The following UBE2E2 variants were observed in gnomAD, a reference collection of about 807,000 sequenced individuals.
UBE2E2 encodes ubiquitin conjugating enzyme E2 E2.
UBE2E2 carries 6 observed loss-of-function variants against 24.7 expected under a neutral mutation model. That is an observed-to-expected ratio of 0.24 (90% CI 0.13 to 0.48). UBE2E2 has a LOEUF of 0.48. Among genes scored for constraint, UBE2E2 ranks in the 20% least tolerant of loss-of-function variants. UBE2E2 has a pLI of 0.99. For missense variants in UBE2E2, 169 were observed against 245.0 expected (o/e 0.69, Z 2.07); for synonymous variants, 104 against 83.6 (o/e 1.24, Z -1.33).
At chr3:23,392,264 A>G (rs1235892890) in intron 3 of UBE2E2, among the ~76,000 whole-genome samples, 1 of 152,188 alleles carries the variant, frequency 6.6e-6, no homozygotes, top group Non-Finnish European at 1.5e-5. Context: ...CAATTTGTTT[A>G]CTCATTCACT....
intron 4 of UBE2E2, among the ~76,000 whole-genome samples, chr3:23,510,496 A>G (rs1301742596): frequency 6.6e-6 from 1 of 152,060 alleles, no homozygotes; most frequent in Non-Finnish European, 1.5e-5. Context: ...AATCCCAGCT[A>G]CTTGGAAGGC....
intron 3 of UBE2E2, among the ~76,000 whole-genome samples, chr3:23,239,417 T>A (rs952124045): frequency 5.3e-5 from 8 of 152,066 alleles, no homozygotes; most frequent in African/African-American, 2.4e-5. Flanking sequence ...GAACCCCACA[T>A]CCATTAGCAT....
At chr3:23,343,465 A>G (rs1338271487) in intron 3 of UBE2E2, among the ~76,000 whole-genome samples, 3 of 152,030 alleles carry the variant, frequency 2.0e-5, no homozygotes, top group East Asian at 1.9e-4. Flanking sequence ...AGTCCCATCT[A>G]CTCAGGAGGC....
intron 3 of UBE2E2, among the ~76,000 whole-genome samples, chr3:23,250,552 G>A (rs1697547956): frequency 6.6e-6 from 1 of 152,092 alleles, no homozygotes; most frequent in Non-Finnish European, 1.5e-5. Context: ...TTTGTTAGAT[G>A]CATTTGTATG....
At chr3:23,248,044 A>T (rs577704943) in intron 3 of UBE2E2, among the ~76,000 whole-genome samples, 10 of 152,242 alleles carry the variant, frequency 6.6e-5, no homozygotes, top group Non-Finnish European at 1.2e-4. Context: ...TTTGTCTCCA[A>T]TTCCCAATTC....
intron 3 of UBE2E2, among the ~76,000 whole-genome samples, chr3:23,330,659 A>G (rs910743179): frequency 2.6e-5 from 4 of 152,208 alleles, no homozygotes; most frequent in African/African-American, 7.2e-5. Flanking sequence ...CAGCAGCTTT[A>G]TGCATCAAGA....
intron 3 of UBE2E2, among the ~76,000 whole-genome samples, chr3:23,445,442 A>G (rs1044894522): frequency 7.2e-5 from 11 of 152,204 alleles, no homozygotes; most frequent in African/African-American, 2.4e-4. Context: ...CCAATGAATC[A>G]GAGTATATCT....
intron 3 of UBE2E2, among the ~76,000 whole-genome samples, chr3:23,271,362 G>A (rs1698236845): frequency 6.6e-6 from 1 of 152,220 alleles, no homozygotes; most frequent in Non-Finnish European, 1.5e-5. Flanking sequence ...TTCACGGTGA[G>A]TGTTGCAGCT....
In UBE2E2 at chr3:23,407,808, AAT is replaced by A. The variant is rs1443290945; in HGVS notation, c.228-91798_228-91797del. 6.6e-6 allele frequency among the ~76,000 whole-genome samples: 1 copy of A among 152,110 alleles called. No individual in the cohort carries two copies. Among genetic ancestry groups the A allele is most frequent in the African/African-American group, 2.4e-5 (1 of 41,410 alleles). On this transcript the variant is annotated intron_variant, in intron 3 of 5. Coordinates refer to ENST00000396703, the MANE Select transcript of UBE2E2 (RefSeq NM_152653.4). This position sits in a 1 kb window ranked among gnomAD's most constrained non-coding sequence, Gnocchi z 4.0. ...TCTGCCTCTGCTTACCCTTCTGGGA[AAT>A]AGTTACCAATAATATAGGAAATATA...
At chr3:23,386,522 T>G (rs1345627855) in intron 3 of UBE2E2, among the ~76,000 whole-genome samples, 1 of 152,172 alleles carries the variant, frequency 6.6e-6, no homozygotes, top group Non-Finnish European at 1.5e-5. Context: ...AGGCGTGAGT[T>G]TATTCTGTAG....
chr3:23,449,939 C>A, intron 3 of UBE2E2: 1 of 985,344 alleles, frequency 1.0e-6, no homozygotes, highest in Non-Finnish European at 1.2e-6. Flanking sequence ...AGGAAATGTA[C>A]CCCTGAAGAG....
At chr3:23,492,803 T>C (rs1699526462) in intron 3 of UBE2E2, among the ~76,000 whole-genome samples, 1 of 152,130 alleles carries the variant, frequency 6.6e-6, no homozygotes, top group Admixed American at 6.5e-5. Context: ...CCCAACTTCT[T>C]TGATTCATGA....
intron 3 of UBE2E2, among the ~76,000 whole-genome samples, chr3:23,430,770 C>G (rs1698042493): frequency 6.6e-6 from 1 of 152,130 alleles, no homozygotes; most frequent in South Asian, 2.1e-4. Context: ...ATCCTCCTAC[C>G]TCAGCCTTCC....
rs185273424 is a variant in UBE2E2, at chr3:23,439,401, A to G, written c.228-60207A>G. On this transcript the variant is annotated intron_variant, in intron 3 of 5. Transcript: ENST00000396703. The stretch of plus-strand genomic sequence containing the variant: ...AAGAGATACTGTCAAACTCAGAGGC[A>G]CCCCTCCTCCTCCATGTCTTAACCC... Among the ~76,000 whole-genome samples the G allele has an allele frequency of 7.9e-5, 12 of 152,176 alleles. 1 individual carries two copies. Among genetic ancestry groups the G allele is most frequent in the Admixed American group, 7.8e-4 (12 of 15,292 alleles).
intron 3 of UBE2E2, among the ~76,000 whole-genome samples, chr3:23,218,847 G>C (rs977984361): frequency 6.6e-6 from 1 of 152,054 alleles, no homozygotes; most frequent in Admixed American, 6.6e-5. Flanking sequence ...TTGAACCATA[G>C]TTCTATTAAA....
intron 3 of UBE2E2, among the ~76,000 whole-genome samples, chr3:23,241,481 C>T (rs1317521322): frequency 2.0e-5 from 3 of 152,150 alleles, no homozygotes; most frequent in Admixed American, 1.3e-4. Flanking sequence ...GACCTTATTG[C>T]TTATTCTCTT....
chr3:23,524,005 A>G (rs1694930293), intron 4 of UBE2E2, among the ~76,000 whole-genome samples: 1 of 152,130 alleles, frequency 6.6e-6, no homozygotes, highest in Non-Finnish European at 1.5e-5. Flanking sequence ...TTTAAAAAGA[A>G]TGTTCTCACT....
chr3:23,356,528 C>T (rs774215406), intron 3 of UBE2E2, among the ~76,000 whole-genome samples: 3 of 152,056 alleles, frequency 2.0e-5, no homozygotes, highest in East Asian at 1.9e-4. Context: ...AAACTTATCC[C>T]GAATTTATTT....
At position 23,591,625 on chromosome 3, in the gene UBE2E2, T is replaced by A. The variant is rs1317953921; in HGVS notation, c.*1794T>A. ...TACATAAATGCATTGGGCAGAGCTA[T>A]ATTCCAGTGAAACTTTATTTACCAC... is the stretch of plus-strand genomic sequence containing the variant. On this transcript the variant is annotated 3_prime_UTR_variant, in exon 6 of 6. Coordinates refer to ENST00000396703, the MANE Select transcript of UBE2E2 (RefSeq NM_152653.4). 6.6e-6 allele frequency: 1 copy of A among 152,230 alleles called. No homozygotes were observed. The highest frequency in any genetic ancestry group is 1.5e-5 in the Non-Finnish European group (1 of 68,044). The allele number at this position is 152,230 out of a possible 1,614,324, so 9.4% of individuals were successfully genotyped here.
Sources: allele counts gnomAD v4.1 joint callset (sites outside exome capture counted in the v4.1 genomes callset), GRCh38; gene constraint gnomAD v4.1.1; non-coding constraint Gnocchi (gnomAD v3.1); transcripts MANE v1.5; gene names NCBI Gene and HGNC (gene_info 2026-07-23, HGNC 2026-07-21).